RASGRF2: variants seen among roughly 807,000 people sequenced by gnomAD.
RASGRF2 encodes ras-specific guanine nucleotide-releasing factor 2.
Under a neutral mutation model 151.0 loss-of-function variants are expected in RASGRF2, and 76 were observed. The ratio of observed to expected loss-of-function variants is 0.50; its 90% CI spans 0.42 to 0.61. The LOEUF is 0.61. Ranked by LOEUF, RASGRF2 falls within the 20% of genes least tolerant of loss-of-function variation. RASGRF2 has a pLI of 0.00. For synonymous variants in RASGRF2, 504 were observed against 566.5 expected (o/e 0.89, Z 1.57); for missense variants, 1,148 against 1,564.6 (o/e 0.73, Z 4.49).
chr5:81,059,445 G>C (rs976457342), intron 2 of RASGRF2, among the ~76,000 whole-genome samples: 3 of 151,366 alleles, frequency 2.0e-5, no homozygotes, highest in African/African-American at 7.3e-5. Context: ...CACCTCGCTG[G>C]ACTGGGGGAA....
intron 1 of RASGRF2, among the ~76,000 whole-genome samples, chr5:80,980,084 A>G (rs1434621882): frequency 6.6e-6 from 1 of 152,120 alleles, no homozygotes; most frequent in Non-Finnish European, 1.5e-5. Context: ...ACAGTTTGGT[A>G]ATTTTAGCCC....
In RASGRF2 at chr5:80,995,939, C is replaced by T. The variant is rs190100571; in HGVS notation, c.288+34913C>T. 2.0e-4 allele frequency among the ~76,000 whole-genome samples: 31 copies of T among 151,994 alleles called. No individual in the cohort carries two copies. In the South Asian group the frequency reaches 3.5e-3, roughly 17 times the overall value. On this transcript the variant is annotated intron_variant, in intron 1 of 26. Transcript: ENST00000265080. Reference sequence around the variant, plus strand: ...AACTCCTGACCTCAGGTGATCTGCCCGCCCTGGCCTTGCAAAGTGCTGGGA... The same window carrying T: ...AACTCCTGACCTCAGGTGATCTGCCTGCCCTGGCCTTGCAAAGTGCTGGGA...
At chr5:81,035,757 TA>T (rs1407963696) in intron 1 of RASGRF2, among the ~76,000 whole-genome samples, 2 of 152,080 alleles carry the variant, frequency 1.3e-5, no homozygotes, top group Non-Finnish European at 2.9e-5. Flanking sequence ...AATACGAATG[TA>T]AAGGTGTTGT....
At chr5:80,972,732 G>T (rs1459998084) in intron 1 of RASGRF2, among the ~76,000 whole-genome samples, 1 of 152,088 alleles carries the variant, frequency 6.6e-6, no homozygotes, top group Non-Finnish European at 1.5e-5. Flanking sequence ...CGCCCACCTC[G>T]GCCTCCCAAA....
rs578173666 is a variant in RASGRF2 at position 81,036,262 on chromosome 5, T to C, written c.289-6615T>C. 3.0e-4 allele frequency among the ~76,000 whole-genome samples: 45 copies of C among 152,244 alleles called. 1 individual carries two copies. The East Asian group carries it at 6.4e-3, about 22-fold the overall frequency. ...TTAAATATTTCCTGGTGAATCGTTA[T>C]AGTCATTGCAGATTTAGCTCTATTT... On this transcript the variant is annotated intron_variant, in intron 1 of 26. Transcript: ENST00000265080.
In RASGRF2 at chr5:81,086,830, C is replaced by T; in HGVS notation, c.1272-5C>T. ...TACTGTGATCCTGTCTGTGTTGTGT[C>T]ACAGAGTAATGCACGATGAAGTCAG... On this transcript the variant is annotated splice_region_variant and splice_polypyrimidine_tract_variant and intron_variant, in intron 8 of 26. Transcript: ENST00000265080. 4 of 1,604,038 alleles carry T rather than the reference C, an allele frequency of 2.5e-6. No homozygotes were observed. The highest frequency in any genetic ancestry group is 4.5e-5 in the East Asian group (2 of 44,816).
chr5:81,085,663 T>A, intron 7 of RASGRF2, 139 bp from the exon 8 acceptor site: 1 of 1,351,578 alleles, frequency 7.4e-7, no homozygotes, highest in Non-Finnish European at 9.8e-7. Flanking sequence ...TTATTTGTAT[T>A]TCTTTTTTAA....
At chr5:81,118,636 A>T (rs1401219602) in intron 15 of RASGRF2, among the ~76,000 whole-genome samples, 1 of 152,210 alleles carries the variant, frequency 6.6e-6, no homozygotes, top group African/African-American at 2.4e-5. Context: ...TTGCACTCCC[A>T]AAAAGGCCTT....
intron 15 of RASGRF2, among the ~76,000 whole-genome samples, chr5:81,114,202 G>C (rs56051114): frequency 0.011 from 1,751 of 152,336 alleles, 28 homozygotes; most frequent in African/African-American, 0.039. Flanking sequence ...TATTGCTAGA[G>C]AGTTCTTGGA....
At position 81,075,396 on chromosome 5, in the gene RASGRF2, G is replaced by A. The variant is rs1180974484; in HGVS notation, c.887+1944G>A. Among the ~76,000 whole-genome samples, 5 of 152,292 alleles carry A rather than the reference G, an allele frequency of 3.3e-5. 1 individual carries two copies. Among genetic ancestry groups the A allele is most frequent in the East Asian group, 3.9e-4 (2 of 5,180 alleles). ...CAGGGGCTGGAGGGAAGTTTTATACGGTCGTGCAAGAGCGGGCTAGGTGTG... is the reference window on the plus strand; with the variant it reads ...CAGGGGCTGGAGGGAAGTTTTATACAGTCGTGCAAGAGCGGGCTAGGTGTG... On this transcript the variant is annotated intron_variant, in intron 5 of 26. Coordinates refer to ENST00000265080, the MANE Select transcript of RASGRF2 (RefSeq NM_006909.3).
intron 17 of RASGRF2, among the ~76,000 whole-genome samples, chr5:81,157,354 TAA>T (rs559651337): frequency 1.7e-4 from 18 of 108,146 alleles, no homozygotes; most frequent in African/African-American, 2.7e-4. Context: ...AGAGTCTGTC[TAA>T]AAAAAAAAAA....
At chr5:81,044,696 C>T (rs1750782694) in intron 2 of RASGRF2, among the ~76,000 whole-genome samples, 1 of 152,110 alleles carries the variant, frequency 6.6e-6, no homozygotes, top group African/African-American at 2.4e-5. Flanking sequence ...GGCATATTGG[C>T]CAAGTTCTAA....
At chr5:81,086,046 T>C (rs1441671534) in intron 8 of RASGRF2, 135 bp downstream of exon 8, 2 of 1,405,616 alleles carry the variant, frequency 1.4e-6, no homozygotes, top group Non-Finnish European at 1.9e-6. Flanking sequence ...GAAAGTTAAA[T>C]AGTAGCTTGT....
intron 19 of RASGRF2, among the ~76,000 whole-genome samples, chr5:81,203,648 C>CA (rs1755443977): frequency 1.3e-5 from 2 of 152,214 alleles, no homozygotes; most frequent in South Asian, 4.1e-4. Context: ...CAGGATGTCA[C>CA]AAGGCTAAAT....
At chr5:81,077,776 A>G (rs1751980838) in intron 5 of RASGRF2, among the ~76,000 whole-genome samples, 1 of 152,116 alleles carries the variant, frequency 6.6e-6, no homozygotes, top group Admixed American at 6.5e-5. Context: ...GGGTATTGAA[A>G]ACTCTTTTGA....
chr5:81,043,601 G>C (rs997305217), intron 2 of RASGRF2, among the ~76,000 whole-genome samples: 3 of 152,196 alleles, frequency 2.0e-5, no homozygotes, highest in African/African-American at 7.2e-5. Flanking sequence ...AGAGATACAA[G>C]GCAGGTCCCT....
intron 18 of RASGRF2, among the ~76,000 whole-genome samples, chr5:81,192,832 T>C (rs1319889642): frequency 3.3e-5 from 5 of 152,210 alleles, no homozygotes; most frequent in Middle Eastern, 3.4e-3. Context: ...GTTTACAAAC[T>C]GGCCCGAGTC....
At chr5:81,140,295 G>T (rs1343610031) in intron 17 of RASGRF2, among the ~76,000 whole-genome samples, 1 of 151,876 alleles carries the variant, frequency 6.6e-6, no homozygotes, top group East Asian at 1.9e-4. Flanking sequence ...CCTACTGGAG[G>T]GTATCCTAGT....
chr5:81,175,164 C>A (rs1469105571), intron 17 of RASGRF2, among the ~76,000 whole-genome samples: 1 of 152,132 alleles, frequency 6.6e-6, no homozygotes, highest in Non-Finnish European at 1.5e-5. Flanking sequence ...ATTGGGATAA[C>A]AATGTTTAAC....
Sources: allele counts gnomAD v4.1 joint callset (sites outside exome capture counted in the v4.1 genomes callset), GRCh38; gene constraint gnomAD v4.1.1; transcripts MANE v1.5; gene names NCBI Gene and HGNC (gene_info 2026-07-23, HGNC 2026-07-21).